Variants in UBN1 observed in about 807,000 individuals in gnomAD.
UBN1 encodes ubinuclein 1, also known as ubinuclein-1.
In UBN1, 17 loss-of-function variants were observed where a neutral mutation model predicts 108.5. That is an observed-to-expected ratio of 0.16 (90% CI 0.11 to 0.24). The LOEUF (loss-of-function observed/expected upper bound fraction) is 0.24. Ranked by LOEUF, UBN1 falls within the 10% of genes least tolerant of loss-of-function variation. The pLI, the probability that UBN1 is intolerant of heterozygous loss-of-function variation, is 1.00. For missense variants in UBN1, 1,595 were observed against 1,394.4 expected (o/e 1.14, Z -2.29); for synonymous variants, 726 against 564.2 (o/e 1.29, Z -4.07).
chr16:4,853,824 A>G (rs1157113032), intron 2 of UBN1, among the ~76,000 whole-genome samples: 3 of 152,210 alleles, frequency 2.0e-5, no homozygotes, highest in African/African-American at 7.2e-5. Flanking sequence ...GGCTTCCCAA[A>G]GTGCTGGGAT....
intron 7 of UBN1, 120 bp from the exon 8 acceptor site, chr16:4,868,713 G>T: frequency 1.2e-6 from 1 of 856,480 alleles, no homozygotes; most frequent in East Asian, 2.7e-5. Context: ...TTGGAAAGGT[G>T]GCGGTGTGAC....
At chr16:4,876,812 G>C in intron 15 of UBN1, 59 bp from the exon 16 acceptor site, 1 of 1,526,628 alleles carries the variant, frequency 6.6e-7, no homozygotes, top group Non-Finnish European at 8.8e-7. Flanking sequence ...GCCAGGTTTG[G>C]TGTGAGTGAG....
rs1041038117 is a variant in UBN1 at position 4,877,830 on chromosome 16, A to G, written c.3355+356A>G. ...AAAAAAAAAGGGAAGGTAATGGTGC[A>G]TCTTCTCCAAGGGCTAATTGGGTAC... On this transcript the variant is annotated intron_variant, in intron 17 of 17. Coordinates refer to ENST00000262376, the MANE Select transcript of UBN1 (RefSeq NM_001079514.3). This position sits in a 1 kb window ranked among gnomAD's most constrained non-coding sequence, Gnocchi z 4.3. 1 of 1,018,666 alleles carries G rather than the reference A, an allele frequency of 9.8e-7. No individual in the cohort carries two copies. The highest frequency in any genetic ancestry group is 1.2e-6 in the Non-Finnish European group (1 of 852,980). The allele number at this position is 1,018,666 out of a possible 1,614,324, so 63.1% of individuals were successfully genotyped here. A position where few individuals can be genotyped will look rare whatever the true frequency, so the allele number is the denominator to read the frequency against.
Position 4,874,590 on chromosome 16 carries a change from C to T in UBN1, c.2180C>T (p.Pro727Leu), listed in dbSNP as rs778434493. The change falls in exon 15 of 18, where the codon CCA becomes CTA. Residue 727 changes from proline to leucine, a missense_variant. Coordinates refer to ENST00000262376, the MANE Select transcript of UBN1 (RefSeq NM_001079514.3). Reference protein sequence around the residue: ...NFAKPSPSAPPPASSLQSPLN... With the variant: ...NFAKPSPSAPLPASSLQSPLN... ...GCGAAGCCTAGTCCTTCTGCTCCAC[C>T]ACCAGCTAGCTCTCTGCAGTCACCC... 1.1e-5 allele frequency: 17 copies of T among 1,614,118 alleles called. No individual in the cohort carries two copies. The highest frequency in any genetic ancestry group is 1.4e-5 in the Non-Finnish European group (16 of 1,180,052).
intron 7 of UBN1, 56 bp downstream of exon 7, chr16:4,861,158 T>C: frequency 5.8e-6 from 9 of 1,542,822 alleles, no homozygotes; most frequent in Non-Finnish European, 7.9e-6. Flanking sequence ...CAGATTGCTG[T>C]TGGTTCTGCA....
At position 4,856,024 on chromosome 16, in the gene UBN1, G is replaced by C. The variant is rs186070478; in HGVS notation, c.250-1966G>C. Among the ~76,000 whole-genome samples, 6 of 152,374 alleles carry C rather than the reference G, an allele frequency of 3.9e-5. No individual in the cohort carries two copies. In the East Asian group the frequency reaches 1.2e-3, roughly 29 times the overall value. The stretch of plus-strand genomic sequence containing the variant: ...GTGAGTCTGTACCAAGGGTCAGCCT[G>C]TTGCATGAGCACCACTGGGCAGAAT... On this transcript the variant is annotated intron_variant, in intron 2 of 17. Coordinates refer to ENST00000262376, the MANE Select transcript of UBN1 (RefSeq NM_001079514.3).
intron 2 of UBN1, among the ~76,000 whole-genome samples, chr16:4,853,673 T>G (rs901877606): frequency 6.6e-6 from 1 of 151,630 alleles, no homozygotes; most frequent in African/African-American, 2.4e-5. Flanking sequence ...TTCTCCTGCC[T>G]CAACCTCCCG....
rs746455963 is a variant in UBN1, at chr16:4,876,925, T to C, written c.3079T>C (p.Tyr1027His). 5.0e-6 allele frequency: 8 copies of C among 1,613,982 alleles called. No homozygotes were observed. In the Admixed American group the frequency reaches 1.2e-4, roughly 24 times the overall value. ...CGGCTCCTCTTTGATGGCTTCACCC[T>C]ACAAATCCAGCAGCCCAAAGCTGTC... ...LAGSSLMASP[Y>H]KSSSPKLSGA... The change falls in exon 16 of 18, where the codon TAC becomes CAC. Residue 1027 changes from tyrosine to histidine, a missense_variant. Transcript: ENST00000262376.
intron 6 of UBN1, among the ~76,000 whole-genome samples, chr16:4,860,370 T>C (rs759558178): frequency 6.6e-6 from 1 of 152,240 alleles, no homozygotes; most frequent in African/African-American, 2.4e-5. Context: ...CTAAATACTT[T>C]TCTTGCTCTC....
chr16:4,856,030 T>G (rs1410318388), intron 2 of UBN1, among the ~76,000 whole-genome samples: 1 of 152,254 alleles, frequency 6.6e-6, no homozygotes, highest in African/African-American at 2.4e-5. Context: ...GCCTGTTGCA[T>G]GAGCACCACT....
chr16:4,858,452 G>A, intron 3 of UBN1, 116 bp from the exon 4 acceptor site: 1 of 863,100 alleles, frequency 1.2e-6, no homozygotes, highest in Non-Finnish European at 1.8e-6. Flanking sequence ...ATGTGAGAGA[G>A]TGACTGTTTT....
At chr16:4,869,843 AAAG>A (rs1191104950) in intron 8 of UBN1, among the ~76,000 whole-genome samples, 3 of 152,188 alleles carry the variant, frequency 2.0e-5, no homozygotes, top group Non-Finnish European at 4.4e-5. Flanking sequence ...GGGGGAAAAA[AAAG>A]AAATGCTGCC....
Position 4,874,355 on chromosome 16 carries a change from C to G in UBN1, c.1945C>G (p.Leu649Val). The G allele has an allele frequency of 6.2e-7, 1 of 1,614,130 alleles. No individual in the cohort carries two copies. The highest frequency in any genetic ancestry group is 1.7e-5 in the Admixed American group (1 of 60,024). ...RELPSQASGG[L>V]ANPPPVNLED... ...GCTCCCATCCCAGGCATCGGGCGGC[C>G]TTGCTAACCCTCCTCCTGTCAACCT... The change falls in exon 15 of 18, where the codon CTT becomes GTT. Residue 649 changes from leucine to valine, a missense_variant. This residue lies in a region of UBN1 where 1,398 missense variants were observed against 1,194.7 expected (regional missense o/e 1.17). Transcript: ENST00000262376.
intron 17 of UBN1, among the ~76,000 whole-genome samples, chr16:4,878,466 G>A (rs1304856522): frequency 3.3e-5 from 5 of 152,110 alleles, no homozygotes; most frequent in African/African-American, 9.7e-5. Flanking sequence ...GCACCATGGC[G>A]CATTATAGTA....
intron 17 of UBN1, among the ~76,000 whole-genome samples, chr16:4,879,256 G>A (rs1027767249): frequency 2.6e-5 from 4 of 152,280 alleles, no homozygotes; most frequent in East Asian, 3.9e-4. Flanking sequence ...ACATCACTAT[G>A]TACCCCATAA....
chr16:4,873,300 T>C (rs2087730584), intron 14 of UBN1, among the ~76,000 whole-genome samples: 1 of 152,336 alleles, frequency 6.6e-6, no homozygotes. Context: ...CTGGGGTTCA[T>C]GTGGGATTAA....
intron 4 of UBN1, 99 bp from the exon 5 acceptor site, chr16:4,858,926 G>A (rs2086927837): frequency 6.9e-7 from 1 of 1,458,572 alleles, no homozygotes; most frequent in Admixed American, 2.1e-5. Flanking sequence ...GCTCTTGGAA[G>A]TGGCAGAGGA....
Position 4,875,345 on chromosome 16 carries a change from G to A in UBN1, c.2935G>A (p.Gly979Ser). Residue 979 changes from glycine (G) to serine (S), a missense_variant, in exon 15 of 18, where the codon GGT (glycine) becomes AGT (serine). Gly to Ser is a moderately conservative substitution (Grantham distance 56). Around this residue, in one of 3 missense-constraint regions of UBN1, gnomAD observed 1,398 missense variants for 1,194.7 expected, o/e 1.17. Coordinates refer to ENST00000262376, the MANE Select transcript of UBN1 (RefSeq NM_001079514.3). Reference sequence around the variant, plus strand: ...AGGCGGTCCAAACGGAGATTCCAGTGGTGGGACCCAGGGAGTGGCAAAGTT... The same window carrying A: ...AGGCGGTCCAAACGGAGATTCCAGTAGTGGGACCCAGGGAGTGGCAAAGTT... Reference protein sequence around the residue: ...PPGGPNGDSSGGTQGVAKLLT... With the variant: ...PPGGPNGDSSSGTQGVAKLLT... 6.2e-7 allele frequency: 1 copy of A among 1,614,206 alleles called. No homozygotes were observed. Among genetic ancestry groups the A allele is most frequent in the Non-Finnish European group, 8.5e-7 (1 of 1,180,050 alleles).
chr16:4,869,324 G>A (rs1422642425), intron 8 of UBN1, among the ~76,000 whole-genome samples: 6 of 152,194 alleles, frequency 3.9e-5, no homozygotes, highest in East Asian at 1.9e-4. Context: ...TGTTCCGCTC[G>A]CTGGCACTCC....
Sources: allele counts gnomAD v4.1 joint callset (sites outside exome capture counted in the v4.1 genomes callset), GRCh38; gene constraint gnomAD v4.1.1; regional missense constraint gnomAD v4.1.1; non-coding constraint Gnocchi (gnomAD v3.1); transcripts MANE v1.5; gene names NCBI Gene and HGNC (gene_info 2026-07-23, HGNC 2026-07-21).